AGBL4: variants seen among roughly 807,000 people sequenced by gnomAD.
AGBL4 encodes AGBL carboxypeptidase 4, also known as cytosolic carboxypeptidase 6.
In AGBL4, 58 loss-of-function variants were observed where a neutral mutation model predicts 66.4. The observed-to-expected ratio is 0.87, with a 90% CI of 0.71 to 1.09. The LOEUF (loss-of-function observed/expected upper bound fraction) is 1.09, where lower values mean the gene tolerates loss of function less well. Among genes scored for constraint, AGBL4 ranks in the 50% least tolerant of loss-of-function variants. AGBL4 has a pLI of 0.00. For synonymous variants in AGBL4, 234 were observed against 222.9 expected, an observed-to-expected ratio of 1.05 and a Z score of -0.44; for missense variants, 579 against 631.0, an observed-to-expected ratio of 0.92 and a Z score of 0.88.
intron 3 of AGBL4, among the ~76,000 whole-genome samples, chr1:49,338,916 A>G (rs1645486359): frequency 6.6e-6 from 1 of 152,058 alleles, no homozygotes; most frequent in South Asian, 2.1e-4. Context: ...GGTCCTAAGT[A>G]TGTGTTTTTT....
intron 6 of AGBL4, among the ~76,000 whole-genome samples, chr1:48,767,890 A>G (rs1261210557): frequency 6.6e-6 from 1 of 152,206 alleles, no homozygotes; most frequent in Non-Finnish European, 1.5e-5. Flanking sequence ...TCAGCTAATT[A>G]CATTCATCCA....
chr1:49,323,806 C>G (rs1645176252), intron 3 of AGBL4, among the ~76,000 whole-genome samples: 1 of 151,274 alleles, frequency 6.6e-6, no homozygotes, highest in Admixed American at 6.6e-5. Flanking sequence ...TGGCAAACTC[C>G]CACTACTTCT....
chr1:49,740,309 G>T (rs950823609), intron 2 of AGBL4, among the ~76,000 whole-genome samples: 4 of 152,080 alleles, frequency 2.6e-5, no homozygotes, highest in African/African-American at 7.2e-5. Context: ...AAGAAGGCCA[G>T]TACATAATGG....
chr1:48,753,179 T>G (rs757973038), intron 6 of AGBL4, among the ~76,000 whole-genome samples: 2 of 152,224 alleles, frequency 1.3e-5, no homozygotes, highest in Non-Finnish European at 2.9e-5. Context: ...GAGCTGGGGT[T>G]GAAAACCTCA....
intron 9 of AGBL4, among the ~76,000 whole-genome samples, chr1:48,628,472 A>C (rs919259351): frequency 2.0e-5 from 3 of 152,064 alleles, no homozygotes; most frequent in Admixed American, 1.3e-4. Context: ...TATTTAATTC[A>C]GCTAAAAATC....
chr1:48,799,037 T>C (rs1302924240), intron 6 of AGBL4, among the ~76,000 whole-genome samples: 2 of 152,204 alleles, frequency 1.3e-5, no homozygotes, highest in African/African-American at 4.8e-5. Context: ...GGATTGTTTT[T>C]TCTAGGTCTG....
At chr1:49,657,489 C>T (rs1264858160) in intron 3 of AGBL4, among the ~76,000 whole-genome samples, 1 of 152,118 alleles carries the variant, frequency 6.6e-6, no homozygotes, top group Non-Finnish European at 1.5e-5. Flanking sequence ...ACTTTCTTCA[C>T]AGAATTGGAA....
chr1:49,269,702 C>G (rs1644011526), intron 3 of AGBL4, among the ~76,000 whole-genome samples: 1 of 152,158 alleles, frequency 6.6e-6, no homozygotes, highest in South Asian at 2.1e-4. Context: ...GCTCTGAGCT[C>G]CCATTCTTCC....
intron 2 of AGBL4, among the ~76,000 whole-genome samples, chr1:49,783,073 T>G (rs1644374189): frequency 6.6e-6 from 1 of 152,020 alleles, no homozygotes; most frequent in Non-Finnish European, 1.5e-5. Flanking sequence ...TGCCAGACAC[T>G]GAATTTGCTC....
At chr1:49,711,675 AT>A in intron 2 of AGBL4, among the ~76,000 whole-genome samples, 1 of 152,136 alleles carries the variant, frequency 6.6e-6, no homozygotes, top group African/African-American at 2.4e-5. Context: ...ATATGTCAAA[AT>A]ACATCAAATT....
chr1:48,858,538 C>A (rs190148085), intron 6 of AGBL4, among the ~76,000 whole-genome samples: 8 of 152,020 alleles, frequency 5.3e-5, no homozygotes, highest in African/African-American at 1.9e-4. Flanking sequence ...CATGGGTGAA[C>A]CTTGAAAACA....
chr1:49,273,666 C>T (rs1644108214), intron 3 of AGBL4, among the ~76,000 whole-genome samples: 1 of 151,160 alleles, frequency 6.6e-6, no homozygotes, highest in African/African-American at 2.4e-5. Flanking sequence ...TTTTTGTTTA[C>T]TTTTTATTTT....
chr1:49,401,380 T>G (rs1645082675), intron 3 of AGBL4, among the ~76,000 whole-genome samples: 1 of 152,162 alleles, frequency 6.6e-6, no homozygotes, highest in East Asian at 1.9e-4. Context: ...AAGATGAGAT[T>G]TGGGTGGGGA....
At chr1:49,485,131 C>T (rs1034653774) in intron 3 of AGBL4, among the ~76,000 whole-genome samples, 7 of 151,896 alleles carry the variant, frequency 4.6e-5, no homozygotes, top group African/African-American at 1.7e-4. Flanking sequence ...GATTATAAAT[C>T]ATGCTGCTAT....
At chr1:49,725,931 G>C (rs1648994768) in intron 2 of AGBL4, among the ~76,000 whole-genome samples, 2 of 152,066 alleles carry the variant, frequency 1.3e-5, no homozygotes, top group African/African-American at 4.8e-5. Flanking sequence ...GTTCAGAAAA[G>C]ATGATCTCTA....
At chr1:48,660,255 G>A (rs1017920136) in intron 7 of AGBL4, among the ~76,000 whole-genome samples, 3 of 152,220 alleles carry the variant, frequency 2.0e-5, no homozygotes, top group African/African-American at 7.2e-5. Flanking sequence ...GAGCTATGTG[G>A]TGACAGGACT....
intron 3 of AGBL4, among the ~76,000 whole-genome samples, chr1:49,674,124 T>C (rs1194309912): frequency 6.6e-6 from 1 of 152,090 alleles, no homozygotes; most frequent in African/African-American, 2.4e-5. Flanking sequence ...GCAAGCTCAC[T>C]AGTGATCTAT....
intron 11 of AGBL4, among the ~76,000 whole-genome samples, chr1:48,562,881 T>C (rs918852194): frequency 3.3e-5 from 5 of 152,198 alleles, no homozygotes; most frequent in Admixed American, 2.6e-4. Context: ...TGCTAGACAC[T>C]GGGATGCAAA....
At chr1:49,375,179 T>C (rs1176013589) in intron 3 of AGBL4, among the ~76,000 whole-genome samples, 1 of 152,104 alleles carries the variant, frequency 6.6e-6, no homozygotes, top group Admixed American at 6.6e-5. Context: ...GTGAGAATAA[T>C]GATATGATTC....
Sources: gnomAD v4.1 joint callset for allele counts (sites outside exome capture counted in the v4.1 genomes callset) on GRCh38, gnomAD v4.1.1 for gene constraint, MANE v1.5 for transcripts, NCBI Gene and HGNC (gene_info 2026-07-23, HGNC 2026-07-21) for gene names.